Variants in PCDH15 observed in about 807,000 individuals in gnomAD.
PCDH15 encodes protocadherin related 15.
Under a neutral mutation model 178.5 loss-of-function variants are expected in PCDH15, and 129 were observed. That is an observed-to-expected ratio of 0.72 (90% confidence interval 0.63 to 0.84). The LOEUF (loss-of-function observed/expected upper bound fraction) is 0.84, where lower values mean the gene tolerates loss of function less well. PCDH15 is among the 40% of genes least tolerant of loss of function. The pLI is 0.00. For synonymous variants in PCDH15, 800 were observed against 732.0 expected, an observed-to-expected ratio of 1.09 and a Z score of -1.50; for missense variants, 2,230 against 2,099.9, an observed-to-expected ratio of 1.06 and a Z score of -1.21.
chr10:55,032,098 T>C (rs759588517), intron 2 of PCDH15, among the ~76,000 whole-genome samples: 12 of 152,182 alleles, frequency 7.9e-5, no homozygotes, highest in Non-Finnish European at 1.6e-4. Context: ...AGAGGAGAAC[T>C]GCAGGGGAAG....
intron 2 of PCDH15, among the ~76,000 whole-genome samples, chr10:55,352,773 C>T (rs1026225072): frequency 1.3e-5 from 2 of 151,998 alleles, no homozygotes; most frequent in Non-Finnish European, 2.9e-5. Flanking sequence ...CGGTGATGAC[C>T]AGCTGAGTGG....
chr10:54,479,725 C>T (rs1232004497), intron 3 of PCDH15, among the ~76,000 whole-genome samples: 2 of 151,802 alleles, frequency 1.3e-5, no homozygotes, highest in East Asian at 1.9e-4. Context: ...TCTACTTACC[C>T]GTTTCTGAAC....
chr10:54,259,079 TG>T (rs1323201475), intron 8 of PCDH15, among the ~76,000 whole-genome samples: 1 of 151,810 alleles, frequency 6.6e-6, no homozygotes, highest in East Asian at 1.9e-4. Context: ...CTTCTAAATT[TG>T]AGGAGATAGT....
At chr10:54,222,160 G>A (rs2052904540) in intron 9 of PCDH15, among the ~76,000 whole-genome samples, 1 of 152,082 alleles carries the variant, frequency 6.6e-6, no homozygotes, top group Non-Finnish European at 1.5e-5. Flanking sequence ...TTTATCTTGA[G>A]CAAATATCTA....
At position 53,806,792 on chromosome 10, in the gene PCDH15, C is replaced by T. The variant is rs370502910; in HGVS notation, c.5010G>A (p.Leu1670=). The T allele has an allele frequency of 9.3e-6, 15 of 1,613,716 alleles. No individual in the cohort carries two copies. The African/African-American group carries it at 1.2e-4, about 13-fold the overall frequency. ...STEKMNARPT[L]VTFAPCPVGT... ...CCACAGGGCAAGGGGCAAATGTAAC[C>T]AGAGTTGGTCTTGCATTCATTTTTT... The change falls in exon 38 of 38, where the codon CTG becomes CTA. Residue 1670 remains leucine, a synonymous_variant. Coordinates refer to ENST00000644397, the MANE Select transcript of PCDH15 (RefSeq NM_001384140.1).
At chr10:55,060,952 G>A (rs1841414129) in intron 2 of PCDH15, among the ~76,000 whole-genome samples, 1 of 151,886 alleles carries the variant, frequency 6.6e-6, no homozygotes, top group South Asian at 2.1e-4. Context: ...AGTCCTAAAT[G>A]TAAAATGCAA....
intron 2 of PCDH15, among the ~76,000 whole-genome samples, chr10:54,649,125 G>C (rs1314637410): frequency 1.3e-5 from 2 of 152,144 alleles, no homozygotes; most frequent in Non-Finnish European, 2.9e-5. Context: ...GTCAGGAACA[G>C]CCACTGCATT....
chr10:54,667,598 G>A (rs1396829634), intron 1 of PCDH15, among the ~76,000 whole-genome samples: 2 of 152,066 alleles, frequency 1.3e-5, no homozygotes, highest in African/African-American at 2.4e-5. Context: ...CTAAGTGACT[G>A]TAGGTAAATG....
intron 2 of PCDH15, among the ~76,000 whole-genome samples, chr10:54,948,785 C>A (rs1014621084): frequency 6.6e-6 from 1 of 151,770 alleles, no homozygotes; most frequent in African/African-American, 2.4e-5. Context: ...ATCGAGAGAA[C>A]CTTAACTAAT....
chr10:55,341,805 ATTTTTT>A (rs869187882), intron 2 of PCDH15, among the ~76,000 whole-genome samples: 8 of 16,318 alleles, frequency 4.9e-4, no homozygotes, highest in Admixed American at 1.1e-3. Flanking sequence ...ATATATATAT[ATTTTTT>A]TTTTTTTTTT....
chr10:54,247,733 A>G lies in PCDH15; in HGVS notation c.877-10802T>C, dbSNP rs370103643. Among the ~76,000 whole-genome samples the G allele has an allele frequency of 1.8e-4, 27 of 151,874 alleles. No individual in the cohort carries two copies. The East Asian group carries it at 5.0e-3, about 28-fold the overall frequency. On this transcript the variant is annotated intron_variant, in intron 8 of 37. Coordinates refer to ENST00000644397, the MANE Select transcript of PCDH15 (RefSeq NM_001384140.1). The stretch of plus-strand genomic sequence containing the variant: ...TACAACAAAATATGCCAAGCTTGCC[A>G]ATAAGTAGCAATAAAGCTTTTCGAT...
chr10:54,122,813 C>T (rs1430719977), intron 15 of PCDH15, among the ~76,000 whole-genome samples: 1 of 151,276 alleles, frequency 6.6e-6, no homozygotes, highest in Non-Finnish European at 1.5e-5. Flanking sequence ...AGTAAAATAC[C>T]TAGGCATAAA....
chr10:54,923,044 C>A (rs1837534862), intron 2 of PCDH15, among the ~76,000 whole-genome samples: 3 of 88,094 alleles, frequency 3.4e-5, no homozygotes, highest in African/African-American at 9.4e-5. Flanking sequence ...TATTTCCATA[C>A]ATCCTCTGAA....
chr10:54,482,631 A>T (rs1276898760), intron 3 of PCDH15, among the ~76,000 whole-genome samples: 1 of 151,766 alleles, frequency 6.6e-6, no homozygotes, highest in African/African-American at 2.4e-5. Context: ...GGCAATGGGA[A>T]TGAGGTTGGG....
intron 1 of PCDH15, among the ~76,000 whole-genome samples, chr10:54,693,410 A>G (rs893586162): frequency 6.6e-6 from 1 of 152,176 alleles, no homozygotes; most frequent in Non-Finnish European, 1.5e-5. Context: ...TCATGTTCAT[A>G]TATTAGATTA....
intron 1 of PCDH15, among the ~76,000 whole-genome samples, chr10:55,177,111 G>A (rs536091460): frequency 1.3e-5 from 2 of 152,232 alleles, no homozygotes; most frequent in East Asian, 3.9e-4. Context: ...CTTAGGTTTA[G>A]TCTTGTCAGA....
chr10:53,881,541 G>A, intron 26 of PCDH15, among the ~76,000 whole-genome samples: 2 of 152,002 alleles, frequency 1.3e-5, no homozygotes, highest in South Asian at 4.1e-4. Context: ...TGCCAATAGA[G>A]CAAAGAGAAA....
At chr10:54,648,405 T>C (rs1366759181) in intron 2 of PCDH15, among the ~76,000 whole-genome samples, 2 of 152,134 alleles carry the variant, frequency 1.3e-5, no homozygotes, top group African/African-American at 4.8e-5. Flanking sequence ...TGGATTGTTA[T>C]CTGTCTCTAT....
intron 8 of PCDH15, among the ~76,000 whole-genome samples, chr10:54,307,679 T>C (rs1339625529): frequency 6.6e-6 from 1 of 151,986 alleles, no homozygotes; most frequent in African/African-American, 2.4e-5. Flanking sequence ...GCCAACTCTG[T>C]TTATTTAAAA....
Sources: allele counts gnomAD v4.1 joint callset (sites outside exome capture counted in the v4.1 genomes callset), GRCh38; gene constraint gnomAD v4.1.1; transcripts MANE v1.5; gene names NCBI Gene and HGNC (gene_info 2026-07-23, HGNC 2026-07-21).